The following SLK variants were observed in gnomAD, a reference collection of about 807,000 sequenced individuals.
The protein encoded by SLK is STE20 like kinase, also known as STE20-like serine/threonine-protein kinase.
SLK carries 67 observed loss-of-function variants against 147.7 expected under a neutral mutation model. The ratio of observed to expected loss-of-function variants is 0.45; its 90% CI spans 0.37 to 0.56. The LOEUF (loss-of-function observed/expected upper bound fraction) is 0.56. Among genes scored for constraint, SLK ranks in the 20% least tolerant of loss-of-function variants. The probability of loss-of-function intolerance (pLI) is 0.00; values close to 1 mark genes in which losing one functional copy is unlikely to be tolerated. For missense variants in SLK, 1,136 were observed against 1,438.8 expected (o/e 0.79, Z 3.41); for synonymous variants, 441 against 475.0 (o/e 0.93, Z 0.93).
rs2134474053 is a variant in SLK, at chr10:103,992,593, T to C, written c.316-5T>C. The C allele has an allele frequency of 7.9e-7, 1 of 1,262,562 alleles. No homozygotes were observed. Among genetic ancestry groups the C allele is most frequent in the Non-Finnish European group, 1.0e-6 (1 of 983,240 alleles). 78.2% of individuals were successfully genotyped at this position (1,262,562 alleles called of 1,614,324 possible). ...ACACGCTTTTTTTTTTTTTTTTGCA[T>C]GCAGATCCTCATTGAATTTTGTGCA... On this transcript the variant is annotated splice_region_variant and splice_polypyrimidine_tract_variant and intron_variant, in intron 2 of 18. Transcript: ENST00000369755.
At chr10:104,011,433 G>C (rs894943498) in intron 13 of SLK, among the ~76,000 whole-genome samples, 4 of 152,042 alleles carry the variant, frequency 2.6e-5, no homozygotes, top group African/African-American at 9.7e-5. Flanking sequence ...TAAATATTAA[G>C]TACCTTGTTT....
chr10:103,974,739 C>T (rs2134444680), intron 1 of SLK: 1 of 107,424 alleles, frequency 9.3e-6, no homozygotes, highest in South Asian at 4.1e-4. Context: ...CAAGCTCTGC[C>T]TCCCGGGTTC....
intron 1 of SLK, among the ~76,000 whole-genome samples, chr10:103,983,078 T>C (rs1843967758): frequency 6.6e-6 from 1 of 152,386 alleles, no homozygotes; most frequent in African/African-American, 2.4e-5. Context: ...GTTTTCCCTA[T>C]GAACAATGTT....
At chr10:103,996,386 A>G (rs1368449129) in intron 4 of SLK, among the ~76,000 whole-genome samples, 1 of 117,696 alleles carries the variant, frequency 8.5e-6, no homozygotes, top group African/African-American at 3.2e-5. Flanking sequence ...TCTAATAAAT[A>G]TTTTTTTTCT....
intron 1 of SLK, among the ~76,000 whole-genome samples, chr10:103,985,871 A>T (rs1423969991): frequency 1.3e-5 from 2 of 152,226 alleles, no homozygotes; most frequent in African/African-American, 4.8e-5. Context: ...TTTTTAGAAT[A>T]TGAAACCAGT....
intron 6 of SLK, 123 bp downstream of exon 6, chr10:103,999,436 G>C: frequency 1.4e-6 from 1 of 710,932 alleles, no homozygotes; most frequent in Non-Finnish European, 2.3e-6. Flanking sequence ...AAGACTATAT[G>C]AATTAGAAAA....
rs185678754 is a variant in SLK, at chr10:104,001,808, C to T, written c.993+236C>T. 1.6e-4 allele frequency among the ~76,000 whole-genome samples: 24 copies of T among 152,240 alleles called. No individual in the cohort carries two copies. The East Asian group carries it at 1.7e-3, about 11-fold the overall frequency. On this transcript the variant is annotated intron_variant, in intron 8 of 18. Coordinates refer to ENST00000369755, the MANE Select transcript of SLK (RefSeq NM_014720.4). The stretch of plus-strand genomic sequence containing the variant: ...AGTGGTCACTACAACCTCTGCCTCC[C>T]GGTGTCAGGTGGTTCTTGGGCCTCA...
intron 4 of SLK, among the ~76,000 whole-genome samples, chr10:103,994,067 A>T (rs571327970): frequency 1.3e-5 from 2 of 152,036 alleles, no homozygotes; most frequent in East Asian, 3.9e-4. Context: ...GCGAATTTTT[A>T]AAAATTTTTT....
intron 1 of SLK, among the ~76,000 whole-genome samples, chr10:103,974,138 T>C (rs1166910558): frequency 2.0e-5 from 3 of 152,150 alleles, no homozygotes; most frequent in African/African-American, 7.2e-5. Context: ...AAGACTTATG[T>C]CCTTCAGTTC....
At chr10:104,022,966 G>A (rs752425558) in intron 18 of SLK, among the ~76,000 whole-genome samples, 2 of 152,198 alleles carry the variant, frequency 1.3e-5, no homozygotes, top group African/African-American at 2.4e-5. Context: ...AATAGGTAAT[G>A]CATTCATGTA....
intron 1 of SLK, among the ~76,000 whole-genome samples, chr10:103,983,824 C>T (rs931343207): frequency 2.6e-5 from 4 of 152,118 alleles, no homozygotes; most frequent in Non-Finnish European, 5.9e-5. Flanking sequence ...AAGTTTGGGT[C>T]GCAGTCTCAC....
chr10:103,990,721 A>G lies in SLK; in HGVS notation c.197A>G (p.Asp66Gly). ...TSVLAAAKVI[D>G]TKSEEELEDY... ...GTTTTAGCTGCTGCAAAAGTGATTG[A>G]CACTAAATCTGAAGAAGAACTTGAA... The change falls in exon 2 of 19, where the codon GAC becomes GGC. Residue 66 changes from aspartate to glycine, a missense_variant. Around this residue, in one of 6 missense-constraint regions of SLK, gnomAD observed 126 missense variants for 141.3 expected, o/e 0.89. Coordinates refer to ENST00000369755, the MANE Select transcript of SLK (RefSeq NM_014720.4). 6.4e-7 allele frequency: 1 copy of G among 1,572,480 alleles called. No homozygotes were observed. The highest frequency in any genetic ancestry group is 8.6e-7 in the Non-Finnish European group (1 of 1,162,660).
chr10:104,008,311 A>G lies in SLK; in HGVS notation c.2739A>G (p.Lys913=), dbSNP rs1434212664. Residue 913 remains lysine, a synonymous_variant, in exon 12 of 19, where the codon AAA becomes AAG. Coordinates refer to ENST00000369755, the MANE Select transcript of SLK (RefSeq NM_014720.4). ...EAKRIKGEQE[K]ELSKFQNMLK... ...AACGCATCAAAGGAGAACAAGAGAA[A>G]GAGTTGTCCAAATTTCAGAATATGC... 3 of 1,613,422 alleles carry G rather than the reference A, an allele frequency of 1.9e-6. No individual in the cohort carries two copies. Among genetic ancestry groups the G allele is most frequent in the Non-Finnish European group, 2.5e-6 (3 of 1,179,770 alleles).
chr10:104,007,224 A>G (rs576479072), intron 11 of SLK, among the ~76,000 whole-genome samples: 7 of 152,076 alleles, frequency 4.6e-5, no homozygotes, highest in Non-Finnish European at 7.4e-5. Flanking sequence ...AAATATTGAA[A>G]TTTTTCTGAT....
chr10:104,008,246 C>G lies in SLK; in HGVS notation c.2674C>G (p.Leu892Val). 6.2e-7 allele frequency: 1 copy of G among 1,613,910 alleles called. No homozygotes were observed. Among genetic ancestry groups the G allele is most frequent in the African/African-American group, 1.3e-5 (1 of 74,990 alleles). ...EKQQKQTIER[L>V]EQEHTNRLRD... ...ACAGCAGAAACAGACTATCGAACGC[C>G]TGGAACAAGAGCACACAAATCGCTT... Residue 892 changes from leucine (L) to valine (V), a missense_variant, in exon 12 of 19, where the codon CTG becomes GTG. Coordinates refer to ENST00000369755, the MANE Select transcript of SLK (RefSeq NM_014720.4).
At position 104,002,407 on chromosome 10, in the gene SLK, C is replaced by T; in HGVS notation, c.1229C>T (p.Thr410Ile). 6.2e-7 allele frequency: 1 copy of T among 1,613,870 alleles called. No individual in the cohort carries two copies. Among genetic ancestry groups the T allele is most frequent in the Non-Finnish European group, 8.5e-7 (1 of 1,179,978 alleles). The change falls in exon 9 of 19, where the codon ACT becomes ATT. Residue 410 changes from threonine (T) to isoleucine (I), a missense_variant. Physicochemically the swap from Thr to Ile is moderately conservative, Grantham distance 89 (BLOSUM62 -1). Transcript: ENST00000369755. ...HITDAQLEAM[T>I]ELHDRTAVIK... ...ACCGATGCTCAGTTAGAAGCAATGA[C>T]TGAACTCCATGACAGAACAGCAGTA...
rs1299333481 is a variant in SLK at position 103,993,095 on chromosome 10, G to T, written c.476G>T (p.Gly159Val). 6.2e-7 allele frequency: 1 copy of T among 1,609,862 alleles called. No individual in the cohort carries two copies. Among genetic ancestry groups the T allele is most frequent in the Non-Finnish European group, 8.5e-7 (1 of 1,177,726 alleles). ...ATCATCCACAGAGATCTGAAGGCTG[G>T]CAACATTCTCTTTACCTTAGATGGA... is the stretch of plus-strand genomic sequence containing the variant. ...NKIIHRDLKAGNILFTLDGDI... is the reference protein window; with the variant it reads ...NKIIHRDLKAVNILFTLDGDI... The change falls in exon 4 of 19, where the codon GGC (glycine) becomes GTC (valine). Residue 159 changes from glycine to valine, a missense_variant. Around this residue, in one of 6 missense-constraint regions of SLK, gnomAD observed 141 missense variants for 219.3 expected, o/e 0.64. Transcript: ENST00000369755.
At chr10:104,020,430 G>C in intron 16 of SLK, 58 bp from the exon 17 acceptor site, 2 of 1,502,180 alleles carry the variant, frequency 1.3e-6, no homozygotes, top group East Asian at 4.6e-5. Context: ...TATATCTTCA[G>C]AATATATAGA....
Position 104,020,599 on chromosome 10 carries a change from C to T in SLK, c.3433C>T (p.Leu1145=), listed in dbSNP as rs761789545. The change falls in exon 17 of 19, where the codon CTG becomes TTG. Residue 1145 remains leucine, a synonymous_variant. Transcript: ENST00000369755. ...QLQCEANVRE[L]HQLQNEKCHL... The stretch of plus-strand genomic sequence containing the variant: ...GCAGTGTGAAGCCAATGTCCGCGAA[C>T]TGCATCAGCTGCAGGTCAGATACAG... 6.2e-7 allele frequency: 1 copy of T among 1,612,950 alleles called. No individual in the cohort carries two copies. Among genetic ancestry groups the T allele is most frequent in the South Asian group, 1.1e-5 (1 of 90,814 alleles).
Sources: gnomAD v4.1 joint callset for allele counts (sites outside exome capture counted in the v4.1 genomes callset) on GRCh38, gnomAD v4.1.1 for gene constraint, gnomAD v4.1.1 regional missense constraint, MANE v1.5 for transcripts, NCBI Gene and HGNC (gene_info 2026-07-23, HGNC 2026-07-21) for gene names.